PDGFC: variants seen among roughly 807,000 people sequenced by gnomAD.
PDGFC encodes the protein platelet derived growth factor C.
In PDGFC, 12 loss-of-function variants were observed where a neutral mutation model predicts 35.5. The observed-to-expected ratio is 0.34, with a 90% CI of 0.22 to 0.55. The LOEUF (loss-of-function observed/expected upper bound fraction) is 0.55, where lower values mean the gene tolerates loss of function less well. Ranked by LOEUF, PDGFC falls within the 20% of genes least tolerant of loss-of-function variation. PDGFC has a pLI of 0.91. For synonymous variants in PDGFC, 159 were observed against 148.8 expected, an observed-to-expected ratio of 1.07 and a Z score of -0.50; for missense variants, 322 against 412.4, an observed-to-expected ratio of 0.78 and a Z score of 1.90.
At chr4:156,935,727 G>A (rs979971825) in intron 1 of PDGFC, among the ~76,000 whole-genome samples, 8 of 152,270 alleles carry the variant, frequency 5.3e-5, no homozygotes, top group African/African-American at 1.7e-4. Context: ...GGAACTCGCA[G>A]GAACCTAATC....
chr4:156,957,437 A>G lies in PDGFC; in HGVS notation c.118+13349T>C, dbSNP rs146975461. On this transcript the variant is annotated intron_variant, in intron 1 of 5. Transcript: ENST00000502773. ...CTACTCATTGGTCTTCATTTTTTTC[A>G]GTCTCTGCTGTATTTTATCATCTGG... is the stretch of plus-strand genomic sequence containing the variant. Among the ~76,000 whole-genome samples the G allele has an allele frequency of 3.6e-3, 544 of 151,924 alleles. 5 individuals carry two copies. The highest frequency in any genetic ancestry group is 0.012 in the African/African-American group (514 of 41,458).
chr4:156,936,905 G>A lies in PDGFC; in HGVS notation c.118+33881C>T, dbSNP rs76511337. On this transcript the variant is annotated intron_variant, in intron 1 of 5. Transcript: ENST00000502773. ...AACATTTGAAAATAGGAACGAAGAA[G>A]AGGGACTCAGGTTTCTGATGTGAAC... is the stretch of plus-strand genomic sequence containing the variant. 9.3e-3 allele frequency among the ~76,000 whole-genome samples: 1,418 copies of A among 152,312 alleles called. 18 individuals are homozygous for A. Among genetic ancestry groups the A allele is most frequent in the African/African-American group, 0.031 (1,288 of 41,570 alleles).
chr4:156,868,714 C>T (rs555208872), intron 1 of PDGFC, among the ~76,000 whole-genome samples: 1 of 152,238 alleles, frequency 6.6e-6, no homozygotes, highest in South Asian at 2.1e-4. Context: ...CTTTTAATGG[C>T]TATATTTTAT....
chr4:156,958,652 G>C (rs1732268367), intron 1 of PDGFC, among the ~76,000 whole-genome samples: 1 of 152,048 alleles, frequency 6.6e-6, no homozygotes, highest in African/African-American at 2.4e-5. Context: ...CAATTTCCAA[G>C]TTTATTTCTA....
chr4:156,775,985 T>G (rs1276083194), intron 3 of PDGFC, among the ~76,000 whole-genome samples: 1 of 152,074 alleles, frequency 6.6e-6, no homozygotes, highest in Non-Finnish European at 1.5e-5. Context: ...GTGCTTCTAT[T>G]TAAGGGCCTT....
At chr4:156,772,924 T>C (rs1029141478) in intron 3 of PDGFC, 31 bp from the exon 4 acceptor site, 2 of 1,466,560 alleles carry the variant, frequency 1.4e-6, no homozygotes, top group Non-Finnish European at 1.9e-6. Context: ...GTGTTAACTG[T>C]TTTAAAAACG....
chr4:156,926,623 G>T (rs539205590), intron 1 of PDGFC, among the ~76,000 whole-genome samples: 44 of 152,184 alleles, frequency 2.9e-4, no homozygotes, highest in Non-Finnish European at 8.8e-5. Context: ...GCTCCAAAAT[G>T]ATCTCCTTTG....
chr4:156,791,861 C>T (rs1321407937), intron 3 of PDGFC, among the ~76,000 whole-genome samples: 2 of 152,126 alleles, frequency 1.3e-5, no homozygotes, highest in African/African-American at 4.8e-5. Flanking sequence ...CTGAGTAATA[C>T]ATATGAGTGT....
intron 2 of PDGFC, among the ~76,000 whole-genome samples, chr4:156,830,038 G>C (rs1728890063): frequency 2.0e-5 from 3 of 152,020 alleles, no homozygotes; most frequent in South Asian, 2.1e-4. Context: ...CTGAAAAGCT[G>C]TGTTAATTGT....
At chr4:156,870,594 A>G (rs1347122420) in intron 1 of PDGFC, among the ~76,000 whole-genome samples, 1 of 152,142 alleles carries the variant, frequency 6.6e-6, no homozygotes, top group East Asian at 1.9e-4. Flanking sequence ...TCACTTATAA[A>G]TAAATTAATA....
At chr4:156,891,269 G>A in intron 1 of PDGFC, among the ~76,000 whole-genome samples, 1 of 103,016 alleles carries the variant, frequency 9.7e-6, no homozygotes, top group East Asian at 3.2e-4. Flanking sequence ...GACAGAGCGA[G>A]ACTCCGTCTC....
chr4:156,937,954 T>G (rs2110897923), intron 1 of PDGFC, among the ~76,000 whole-genome samples: 1 of 152,214 alleles, frequency 6.6e-6, no homozygotes, highest in South Asian at 2.1e-4. Context: ...TCTTCTCAAT[T>G]TTAATAATGT....
chr4:156,787,997 G>GAT (rs1463683422), intron 3 of PDGFC, among the ~76,000 whole-genome samples: 1 of 152,114 alleles, frequency 6.6e-6, no homozygotes, highest in Non-Finnish European at 1.5e-5. Flanking sequence ...CGAATGTCTG[G>GAT]ACAGTAGCAC....
At chr4:156,837,534 G>A (rs1164455016) in intron 2 of PDGFC, among the ~76,000 whole-genome samples, 3 of 152,052 alleles carry the variant, frequency 2.0e-5, no homozygotes, top group African/African-American at 7.2e-5. Flanking sequence ...TGTGCCAACT[G>A]GAAGACTCAA....
chr4:156,807,936 G>A (rs1011790142), intron 3 of PDGFC, among the ~76,000 whole-genome samples: 1 of 151,976 alleles, frequency 6.6e-6, no homozygotes, highest in Non-Finnish European at 1.5e-5. Context: ...TCATTAGTAT[G>A]CACTCAATTC....
Position 156,821,403 on chromosome 4 carries a change from C to CT in PDGFC, c.315-10387dup, listed in dbSNP as rs140621047. Among the ~76,000 whole-genome samples, 581 of 150,394 alleles carry CT rather than the reference C, an allele frequency of 3.9e-3. 5 individuals carry two copies. Among genetic ancestry groups the CT allele is most frequent in the Middle Eastern group, 0.031 (9 of 292 alleles). On this transcript the variant is annotated intron_variant, in intron 2 of 5. Transcript: ENST00000502773. ...AGGCATCACATCTGAATTTTTTTTT[C>CT]TTTTTTTTTAACTTTTTGTAGAGAT...
At position 156,761,660 on chromosome 4, in the gene PDGFC, A is replaced by T. The variant is rs1730379067; in HGVS notation, c.*1430T>A. 1 of 152,660 alleles carries T rather than the reference A, an allele frequency of 6.6e-6. No homozygotes were observed. 9.5% of individuals were successfully genotyped at this position (152,660 alleles called of 1,614,324 possible). A position where few individuals can be genotyped will look rare whatever the true frequency, so the allele number is the denominator to read the frequency against. The stretch of plus-strand genomic sequence containing the variant: ...ATTCTTTTATTTGATGATTCAATAC[A>T]TTTTTGATTCAAATAGTCACCACAT... On this transcript the variant is annotated 3_prime_UTR_variant, in exon 6 of 6. Coordinates refer to ENST00000502773, the MANE Select transcript of PDGFC (RefSeq NM_016205.3).
At chr4:156,832,949 G>A (rs552698949) in intron 2 of PDGFC, among the ~76,000 whole-genome samples, 3 of 152,262 alleles carry the variant, frequency 2.0e-5, no homozygotes, top group African/African-American at 7.2e-5. Flanking sequence ...TTACGGGTTG[G>A]TATTTTGAGA....
At chr4:156,907,012 G>A (rs1730929926) in intron 1 of PDGFC, among the ~76,000 whole-genome samples, 1 of 152,128 alleles carries the variant, frequency 6.6e-6, no homozygotes, top group South Asian at 2.1e-4. Context: ...GGAAGAAAAT[G>A]TACTTTTGTC....
Sources: gnomAD v4.1 joint callset for allele counts (sites outside exome capture counted in the v4.1 genomes callset) on GRCh38, gnomAD v4.1.1 for gene constraint, MANE v1.5 for transcripts, NCBI Gene and HGNC (gene_info 2026-07-23, HGNC 2026-07-21) for gene names.